Variants in TCEA3 observed in about 807,000 individuals in gnomAD.
TCEA3 encodes the protein transcription elongation factor A3.
In TCEA3, 36 loss-of-function variants were observed where a neutral mutation model predicts 44.0. The observed-to-expected ratio is 0.82, with a 90% CI of 0.63 to 1.08. TCEA3 has a LOEUF of 1.08. TCEA3 is among the 50% of genes least tolerant of loss of function. The probability of loss-of-function intolerance (pLI) is 0.00; values close to 1 mark genes in which losing one functional copy is unlikely to be tolerated. For synonymous variants in TCEA3, 162 were observed against 159.7 expected (o/e 1.01, Z -0.11); for missense variants, 392 against 441.2 (o/e 0.89, Z 1.00).
In TCEA3 at chr1:23,383,601, T is replaced by G. The variant is rs544897118; in HGVS notation, c.1038+745A>C. On this transcript the variant is annotated intron_variant, in intron 10 of 10. Transcript: ENST00000450454. Reference sequence around the variant, plus strand: ...GGGACCTGAAACCAGGGATCCTGACTTATCTTGTACTTCTTGCTAAGTACC... The same window carrying G: ...GGGACCTGAAACCAGGGATCCTGACGTATCTTGTACTTCTTGCTAAGTACC... 5 of 985,426 alleles carry G rather than the reference T, an allele frequency of 5.1e-6. No homozygotes were observed. In the South Asian group the frequency reaches 1.9e-4, roughly 37 times the overall value. 61.0% of individuals were successfully genotyped at this position (985,426 alleles called of 1,614,324 possible).
chr1:23,396,429 A>G (rs1028959373), intron 7 of TCEA3, among the ~76,000 whole-genome samples: 1 of 152,126 alleles, frequency 6.6e-6, no homozygotes, highest in African/African-American at 2.4e-5. Context: ...CTTTTGGTGC[A>G]ACAGATCTAT....
At chr1:23,409,600 A>G (rs1348362107) in intron 4 of TCEA3, among the ~76,000 whole-genome samples, 2 of 151,954 alleles carry the variant, frequency 1.3e-5, no homozygotes, top group South Asian at 2.1e-4. Flanking sequence ...GCTGGAGTGC[A>G]GTGGTGCTAT....
chr1:23,381,412 A>C lies in TCEA3; in HGVS notation c.*54T>G. ...TTTTTATTGCTTCTCCAGTTCAGAT[A>C]ATTCAGCGCTTCCTCTTTCTTCTTC... On this transcript the variant is annotated 3_prime_UTR_variant, in exon 11 of 11. Transcript: ENST00000450454. 3.9e-6 allele frequency: 3 copies of C among 779,106 alleles called. No homozygotes were observed. Among genetic ancestry groups the C allele is most frequent in the Non-Finnish European group, 7.2e-6 (3 of 417,592 alleles). The allele number at this position is 779,106 out of a possible 1,614,324, so 48.3% of individuals were successfully genotyped here. A position where few individuals can be genotyped will look rare whatever the true frequency, so the allele number is the denominator to read the frequency against.
chr1:23,408,754 T>G lies in TCEA3; in HGVS notation c.381-28A>C, dbSNP rs753190407. 3.2e-6 allele frequency: 5 copies of G among 1,570,488 alleles called. No individual in the cohort carries two copies. The East Asian group carries it at 1.1e-4, about 36-fold the overall frequency. On this transcript the variant is annotated intron_variant, in intron 4 of 10. Coordinates refer to ENST00000450454, the MANE Select transcript of TCEA3 (RefSeq NM_003196.3). Reference sequence around the variant, plus strand: ...GAAAGAAGAAAATTGGCAAGGAGACTGCTTTGTAGACTAGCATCAGTACTG... The same window carrying G: ...GAAAGAAGAAAATTGGCAAGGAGACGGCTTTGTAGACTAGCATCAGTACTG...
intron 5 of TCEA3, 41 bp downstream of exon 5, chr1:23,408,623 G>C (rs1489842493): frequency 6.3e-7 from 1 of 1,589,868 alleles, no homozygotes; most frequent in Non-Finnish European, 8.6e-7. Flanking sequence ...GACACAGGCT[G>C]AATAGGACAC....
At chr1:23,417,507 AAC>A in intron 3 of TCEA3, 117 bp from the exon 4 acceptor site, 7 of 1,424,794 alleles carry the variant, frequency 4.9e-6, no homozygotes, top group South Asian at 1.5e-5. Flanking sequence ...ACACACTCCC[AAC>A]ACACACACAA....
intron 8 of TCEA3, among the ~76,000 whole-genome samples, chr1:23,389,016 T>C (rs1006017021): frequency 1.3e-5 from 2 of 152,210 alleles, no homozygotes. Context: ...CCTCAAGTTA[T>C]TCTGGTACGT....
At chr1:23,404,078 G>A (rs951679171) in intron 5 of TCEA3, 1 of 702,156 alleles carries the variant, frequency 1.4e-6, no homozygotes, top group Middle Eastern at 2.3e-4. Context: ...CCCCAGGTCT[G>A]AGTAGAGGCA....
At chr1:23,424,165 C>T (rs1198008114) in intron 1 of TCEA3, among the ~76,000 whole-genome samples, 2 of 151,864 alleles carry the variant, frequency 1.3e-5, no homozygotes, top group South Asian at 2.1e-4. Flanking sequence ...ATTTGCCCCC[C>T]GCCCCGCCCC....
At chr1:23,423,715 C>A in intron 1 of TCEA3, 1 of 455,876 alleles carries the variant, frequency 2.2e-6, no homozygotes, top group Non-Finnish European at 4.4e-6. Context: ...CCCTCCAGGA[C>A]CCAAGGCCAA....
At chr1:23,420,022 T>C (rs1368128146) in intron 1 of TCEA3, among the ~76,000 whole-genome samples, 1 of 152,016 alleles carries the variant, frequency 6.6e-6, no homozygotes, top group East Asian at 1.9e-4. Flanking sequence ...TTCTAATCCA[T>C]CCCTCCCCAT....
At chr1:23,397,645 T>C (rs1362485718) in intron 6 of TCEA3, 44 bp from the exon 7 acceptor site, 10 of 1,608,060 alleles carry the variant, frequency 6.2e-6, no homozygotes, top group Middle Eastern at 3.4e-4. Context: ...AGACACAACG[T>C]AGGCAGTGAA....
At chr1:23,394,080 G>A (rs1639146712) in intron 7 of TCEA3, 47 bp from the exon 8 acceptor site, 2 of 1,610,980 alleles carry the variant, frequency 1.2e-6, no homozygotes, top group Non-Finnish European at 1.7e-6. Flanking sequence ...GGGCACAGAA[G>A]GGTGCAGGCC....
At chr1:23,401,028 T>C (rs1030412375) in intron 5 of TCEA3, among the ~76,000 whole-genome samples, 1 of 152,186 alleles carries the variant, frequency 6.6e-6, no homozygotes, top group Non-Finnish European at 1.5e-5. Flanking sequence ...TGAGGCTAAC[T>C]GAGTAGCCCA....
intron 7 of TCEA3, among the ~76,000 whole-genome samples, chr1:23,396,389 G>A (rs898468808): frequency 2.6e-5 from 4 of 151,192 alleles, no homozygotes; most frequent in Admixed American, 6.6e-5. Context: ...GCCAAGTGGG[G>A]TGGGATTTTT....
At chr1:23,385,436 G>A (rs548086660) in intron 9 of TCEA3, among the ~76,000 whole-genome samples, 1 of 152,354 alleles carries the variant, frequency 6.6e-6, no homozygotes, top group Non-Finnish European at 1.5e-5. Flanking sequence ...GTGAGGCACA[G>A]GAAGCGCATC....
At chr1:23,415,862 C>A (rs1639873260) in intron 4 of TCEA3, among the ~76,000 whole-genome samples, 1 of 152,124 alleles carries the variant, frequency 6.6e-6, no homozygotes, top group Non-Finnish European at 1.5e-5. Context: ...TTTTAAAAAG[C>A]AGGCTATTAA....
rs1369496795 is a variant in TCEA3, at chr1:23,424,016, C to G, written c.69+549G>C. 8.1e-6 allele frequency: 3 copies of G among 372,454 alleles called. No individual in the cohort carries two copies. The East Asian group carries it at 2.3e-4, about 28-fold the overall frequency. The allele number at this position is 372,454 out of a possible 1,614,324, so 23.1% of individuals were successfully genotyped here. Reference sequence around the variant, plus strand: ...GGAAAGGGAAAATTGCCAAAAGAACCGCTCCTGACGCACCAAGCGGTGGGG... The same window carrying G: ...GGAAAGGGAAAATTGCCAAAAGAACGGCTCCTGACGCACCAAGCGGTGGGG... On this transcript the variant is annotated intron_variant, in intron 1 of 10. Coordinates refer to ENST00000450454, the MANE Select transcript of TCEA3 (RefSeq NM_003196.3).
chr1:23,423,082 T>C (rs897351693), intron 1 of TCEA3, among the ~76,000 whole-genome samples: 4 of 152,150 alleles, frequency 2.6e-5, no homozygotes, highest in African/African-American at 9.7e-5. Flanking sequence ...CAACCCCAGC[T>C]GAGAAAATGC....
Sources: allele counts gnomAD v4.1 joint callset (sites outside exome capture counted in the v4.1 genomes callset), GRCh38; gene constraint gnomAD v4.1.1; transcripts MANE v1.5; gene names NCBI Gene and HGNC (gene_info 2026-07-23, HGNC 2026-07-21).